Variants in SOX5 observed in about 807,000 individuals in gnomAD.
SOX5 encodes the protein SRY-box transcription factor 5.
Under a neutral mutation model 92.0 loss-of-function variants are expected in SOX5, and 9 were observed. That is an observed-to-expected ratio of 0.10 (90% CI 0.06 to 0.17). SOX5 has a LOEUF of 0.17. Ranked by LOEUF, SOX5 falls within the 10% of genes least tolerant of loss-of-function variation. The pLI is 1.00. For missense variants in SOX5, 642 were observed against 944.5 expected, an observed-to-expected ratio of 0.68 and a Z score of 4.20; for synonymous variants, 344 against 336.3, an observed-to-expected ratio of 1.02 and a Z score of -0.25.
At chr12:23,806,742 A>G (rs2095785316) in intron 3 of SOX5, among the ~76,000 whole-genome samples, 1 of 150,848 alleles carries the variant, frequency 6.6e-6, no homozygotes, top group South Asian at 2.2e-4. Context: ...GAATAGAGCC[A>G]CAGTCCCAGT....
intron 2 of SOX5, among the ~76,000 whole-genome samples, chr12:24,358,588 G>A (rs1005738225): frequency 2.7e-5 from 4 of 150,572 alleles, no homozygotes; most frequent in Non-Finnish European, 5.9e-5. Context: ...CTCCAGCCTG[G>A]GCAACAGAGC....
At chr12:23,924,572 T>C (rs1939405507) in intron 1 of SOX5, among the ~76,000 whole-genome samples, 1 of 152,142 alleles carries the variant, frequency 6.6e-6, no homozygotes, top group African/African-American at 2.4e-5. Context: ...GGAGGAATAT[T>C]ACATTTGTAA....
At chr12:24,494,612 G>C (rs1947430718) in intron 1 of SOX5, among the ~76,000 whole-genome samples, 1 of 152,110 alleles carries the variant, frequency 6.6e-6, no homozygotes, top group African/African-American at 2.4e-5. Context: ...CTCTTCCCTG[G>C]AAGTAATGTG....
chr12:23,724,078 G>A (rs940296684), intron 6 of SOX5, among the ~76,000 whole-genome samples: 5 of 151,982 alleles, frequency 3.3e-5, no homozygotes, highest in South Asian at 4.1e-4. Flanking sequence ...TGCAGAAAGC[G>A]GAAATAAATT....
chr12:23,649,281 G>GAA (rs559878134), intron 7 of SOX5, among the ~76,000 whole-genome samples: 4 of 146,866 alleles, frequency 2.7e-5, no homozygotes, highest in African/African-American at 1.0e-4. Context: ...GCTGCTGTAA[G>GAA]AAAAAAAAAA....
At chr12:23,737,112 T>C (rs1456238698) in intron 5 of SOX5, among the ~76,000 whole-genome samples, 1 of 152,152 alleles carries the variant, frequency 6.6e-6, no homozygotes, top group East Asian at 1.9e-4. Flanking sequence ...ATTTAAATCC[T>C]TTTAACAGAA....
chr12:23,706,572 A>C (rs1180445156), intron 6 of SOX5, among the ~76,000 whole-genome samples: 1 of 152,102 alleles, frequency 6.6e-6, no homozygotes, highest in Non-Finnish European at 1.5e-5. Flanking sequence ...CTAGGTAAAA[A>C]AACATTAAAA....
At chr12:23,932,668 A>T (rs1941705025) in intron 1 of SOX5, among the ~76,000 whole-genome samples, 1 of 151,330 alleles carries the variant, frequency 6.6e-6, no homozygotes, top group South Asian at 2.1e-4. Flanking sequence ...TTTGTTTTTT[A>T]TTTTTTTTGA....
intron 4 of SOX5, among the ~76,000 whole-genome samples, chr12:24,049,529 T>G (rs904361086): frequency 6.6e-6 from 1 of 152,184 alleles, no homozygotes; most frequent in Admixed American, 6.5e-5. Flanking sequence ...AATATGATTT[T>G]TAGTCCTGCA....
chr12:23,987,121 T>A (rs1381976717), intron 4 of SOX5, among the ~76,000 whole-genome samples: 1 of 152,174 alleles, frequency 6.6e-6, no homozygotes, highest in Non-Finnish European at 1.5e-5. Context: ...CTCTAGAAGA[T>A]GTGACTATAA....
In SOX5 at chr12:24,165,954, G is replaced by A. The variant is rs961730802; in HGVS notation, c.-2+47389C>T. Among the ~76,000 whole-genome samples the A allele has an allele frequency of 2.6e-5, 4 of 152,044 alleles. No individual in the cohort carries two copies. In the South Asian group the frequency reaches 6.2e-4, roughly 24 times the overall value. On this transcript the variant is annotated intron_variant, in intron 4 of 4. Coordinates refer to the SOX5 transcript ENST00000446891. ...AGGGAAGATGTGACAAACATGTAGA[G>A]GATGTTTTGGAAAACAACCATACTA...
chr12:23,726,995 C>A (rs2093169902), intron 6 of SOX5, among the ~76,000 whole-genome samples: 1 of 152,002 alleles, frequency 6.6e-6, no homozygotes, highest in Admixed American at 6.6e-5. Flanking sequence ...CTTCAGAAAT[C>A]ATACTGCAAA....
At chr12:24,000,178 A>G (rs1400498146) in intron 4 of SOX5, among the ~76,000 whole-genome samples, 1 of 151,400 alleles carries the variant, frequency 6.6e-6, no homozygotes, top group Non-Finnish European at 1.5e-5. Context: ...GAGAGAATGG[A>G]GCTATAATGG....
At chr12:23,600,561 T>G (rs1441930689) in intron 9 of SOX5, among the ~76,000 whole-genome samples, 1 of 25,520 alleles carries the variant, frequency 3.9e-5, no homozygotes, top group Admixed American at 4.3e-4. Context: ...ATACACATAC[T>G]TGGCTTGGGA....
At chr12:24,241,083 G>C (rs375801091) in intron 3 of SOX5, among the ~76,000 whole-genome samples, 2 of 147,488 alleles carry the variant, frequency 1.4e-5, no homozygotes, top group African/African-American at 5.1e-5. Flanking sequence ...TAGAAGAGTA[G>C]AGAAGGCCTA....
At chr12:23,966,716 C>T (rs1947628382) in intron 4 of SOX5, among the ~76,000 whole-genome samples, 1 of 152,128 alleles carries the variant, frequency 6.6e-6, no homozygotes, top group African/African-American at 2.4e-5. Context: ...TCAGTTGCCT[C>T]CTTTGTAAAC....
intron 2 of SOX5, among the ~76,000 whole-genome samples, chr12:24,309,940 T>C (rs1382079754): frequency 6.6e-6 from 1 of 152,096 alleles, no homozygotes; most frequent in East Asian, 1.9e-4. Context: ...CCAAAGCAGG[T>C]ATTTTTAATC....
At chr12:24,224,020 A>G (rs1961234514) in intron 3 of SOX5, among the ~76,000 whole-genome samples, 1 of 152,216 alleles carries the variant, frequency 6.6e-6, no homozygotes, top group Non-Finnish European at 1.5e-5. Context: ...TGGAAAGGAA[A>G]GAGATCAAGA....
intron 1 of SOX5, among the ~76,000 whole-genome samples, chr12:24,408,957 C>G (rs1051250661): frequency 3.9e-5 from 6 of 152,098 alleles, no homozygotes; most frequent in Admixed American, 1.3e-4. Context: ...ATCATTTGAC[C>G]CAGCAATCCC....
Sources: gnomAD v4.1 joint callset for allele counts (sites outside exome capture counted in the v4.1 genomes callset) on GRCh38, gnomAD v4.1.1 for gene constraint, MANE v1.5 for transcripts, NCBI Gene and HGNC (gene_info 2026-07-23, HGNC 2026-07-21) for gene names.